The following CAST variants were observed in gnomAD, a reference collection of about 807,000 sequenced individuals.
CAST encodes the protein calpastatin.
A neutral mutation model predicts 119.6 loss-of-function variants in CAST; 76 were observed. That is an observed-to-expected ratio of 0.64 (90% CI 0.53 to 0.77). CAST has a LOEUF of 0.77. CAST is among the 30% of genes least tolerant of loss of function. The probability of loss-of-function intolerance (pLI) is 0.00; values close to 1 mark genes in which losing one functional copy is unlikely to be tolerated. For synonymous variants in CAST, 319 were observed against 331.6 expected (o/e 0.96, Z 0.41); for missense variants, 953 against 946.5 (o/e 1.01, Z -0.09).
chr5:96,342,110 G>A, the CAST span, among the ~76,000 whole-genome samples: 6 of 152,234 alleles, frequency 3.9e-5, no homozygotes, highest in East Asian at 3.9e-4. Context: ...AGTGGCTGCC[G>A]CCACCACCAC....
the CAST span, among the ~76,000 whole-genome samples, chr5:96,483,295 A>G: frequency 6.6e-6 from 1 of 152,186 alleles, no homozygotes; most frequent in Non-Finnish European, 1.5e-5. Context: ...AACAAACATC[A>G]ACAAATAAGA....
At chr5:95,970,586 A>C in the CAST span, among the ~76,000 whole-genome samples, 3 of 152,240 alleles carry the variant, frequency 2.0e-5, no homozygotes, top group Non-Finnish European at 4.4e-5. Context: ...CATCTGGAAA[A>C]GGAAAGGAAT....
intron 9 of CAST, among the ~76,000 whole-genome samples, chr5:96,735,151 C>A (rs1323818457): frequency 1.3e-5 from 2 of 152,326 alleles, no homozygotes; most frequent in South Asian, 4.1e-4. Context: ...TTAGCACTTA[C>A]AATTACATAG....
chr5:96,040,475 G>A, the CAST span, among the ~76,000 whole-genome samples: 7 of 151,944 alleles, frequency 4.6e-5, no homozygotes, highest in Admixed American at 4.6e-4. Context: ...GTGCTTCCAG[G>A]TTTTGCCCAT....
chr5:96,034,020 C>T, the CAST span, among the ~76,000 whole-genome samples: 1 of 152,098 alleles, frequency 6.6e-6, no homozygotes, highest in African/African-American at 2.4e-5. Flanking sequence ...CCTGTAGTCC[C>T]AGCTACTGGG....
At chr5:96,474,779 G>A in the CAST span, among the ~76,000 whole-genome samples, 2 of 152,060 alleles carry the variant, frequency 1.3e-5, no homozygotes, top group African/African-American at 2.4e-5. Flanking sequence ...GAAGAAAGTG[G>A]AACAGCCAAG....
intron 21 of CAST, 91 bp downstream of exon 21, chr5:96,754,252 A>G: frequency 1.2e-6 from 1 of 828,452 alleles, no homozygotes; most frequent in Non-Finnish European, 2.1e-6. Flanking sequence ...TGTTTTTTAT[A>G]TTTCCTGTAA....
the CAST span, among the ~76,000 whole-genome samples, chr5:96,306,836 C>A: frequency 1.3e-5 from 2 of 152,076 alleles, no homozygotes; most frequent in African/African-American, 4.8e-5. Context: ...ATTTTGTATT[C>A]TTTTGCATTT....
upstream of CAST, chr5:96,662,355 TC>T: frequency 1.7e-6 from 1 of 599,716 alleles, no homozygotes; most frequent in South Asian, 2.9e-5. Context: ...CTGGCAGGAC[TC>T]CCCGCCAGGC....
At chr5:96,639,681 A>T (rs1033019932) in intron 1 of CAST, among the ~76,000 whole-genome samples, 1 of 152,214 alleles carries the variant, frequency 6.6e-6, no homozygotes, top group African/African-American at 2.4e-5. Context: ...CAACCTAAAA[A>T]GTCACCCAAA....
At chr5:96,277,727 T>C in the CAST span, among the ~76,000 whole-genome samples, 1 of 151,482 alleles carries the variant, frequency 6.6e-6, no homozygotes, top group Non-Finnish European at 1.5e-5. Flanking sequence ...TCTCAAAATA[T>C]ACAAAACATC....
chr5:96,061,026 A>C, the CAST span, among the ~76,000 whole-genome samples: 1 of 152,030 alleles, frequency 6.6e-6, no homozygotes, highest in East Asian at 1.9e-4. Flanking sequence ...TCTTATAAAG[A>C]CACTAAAACT....
At chr5:96,116,517 G>A in the CAST span, among the ~76,000 whole-genome samples, 1 of 152,176 alleles carries the variant, frequency 6.6e-6, no homozygotes, top group Admixed American at 6.5e-5. Context: ...TGGCTATACT[G>A]TGTTGTACTC....
chr5:96,746,744 A>C (rs766903368), intron 17 of CAST, among the ~76,000 whole-genome samples: 5 of 152,348 alleles, frequency 3.3e-5, no homozygotes, highest in Middle Eastern at 3.4e-3. Context: ...TCTAACTGCT[A>C]TATGGATAAA....
intron 1 of CAST, among the ~76,000 whole-genome samples, chr5:96,548,567 C>T (rs753553626): frequency 8.6e-5 from 13 of 152,018 alleles, no homozygotes; most frequent in Non-Finnish European, 1.9e-4. Flanking sequence ...AGTGCTGCTG[C>T]GGGCCTCTGC....
At chr5:96,422,754 T>C in the CAST span, among the ~76,000 whole-genome samples, 1 of 152,194 alleles carries the variant, frequency 6.6e-6, no homozygotes, top group Non-Finnish European at 1.5e-5. Flanking sequence ...AGATATATGA[T>C]GGTGTTCATA....
At chr5:96,371,489 C>A in the CAST span, among the ~76,000 whole-genome samples, 2 of 152,212 alleles carry the variant, frequency 1.3e-5, no homozygotes, top group Admixed American at 1.3e-4. Context: ...TTCCTTTCTT[C>A]TTCCAGAAAC....
the CAST span, among the ~76,000 whole-genome samples, chr5:96,236,127 CTCTA>C: frequency 2.1e-5 from 3 of 144,096 alleles, no homozygotes; most frequent in African/African-American, 8.0e-5. Context: ...CTATCTATCT[CTCTA>C]TCTATCTATC....
the CAST span, among the ~76,000 whole-genome samples, chr5:96,371,765 G>C: frequency 6.8e-3 from 1,042 of 152,152 alleles, 10 homozygotes; most frequent in African/African-American, 0.023. Context: ...AGTCTATACT[G>C]GTCTTTAAAA....
Sources: gnomAD v4.1 joint callset for allele counts (sites outside exome capture counted in the v4.1 genomes callset) on GRCh38, gnomAD v4.1.1 for gene constraint, MANE v1.5 for transcripts, NCBI Gene and HGNC (gene_info 2026-07-23, HGNC 2026-07-21) for gene names.